ITPR1: variants seen among roughly 807,000 people sequenced by gnomAD.
ITPR1 encodes inositol 1,4,5-trisphosphate receptor type 1, also known as inositol 1,4,5-trisphosphate-gated calcium channel ITPR1.
Under a neutral mutation model 318.4 loss-of-function variants are expected in ITPR1, and 96 were observed. The observed-to-expected ratio is 0.30, with a 90% CI of 0.26 to 0.36. ITPR1 has a LOEUF of 0.36. Among genes scored for constraint, ITPR1 ranks in the 10% least tolerant of loss-of-function variants. ITPR1 has a pLI of 1.00. For synonymous variants in ITPR1, 1,312 were observed against 1,289.9 expected (o/e 1.02, Z -0.37); for missense variants, 2,440 against 3,460.2 (o/e 0.71, Z 7.40).
chr3:4,639,229 C>A, intron 5 of ITPR1, 155 bp from the exon 6 acceptor site: 1 of 602,564 alleles, frequency 1.7e-6, no homozygotes, highest in South Asian at 2.2e-5. Flanking sequence ...TGTTTGAACC[C>A]CTTGGCTCAT....
At chr3:4,588,757 A>C (rs996809989) in intron 4 of ITPR1, among the ~76,000 whole-genome samples, 3 of 152,092 alleles carry the variant, frequency 2.0e-5, no homozygotes, top group African/African-American at 7.2e-5. Context: ...ATTTGTCTCC[A>C]ACTGGCAGTG....
At chr3:4,539,232 C>A (rs145076623) in intron 4 of ITPR1, among the ~76,000 whole-genome samples, 58 of 152,138 alleles carry the variant, frequency 3.8e-4, no homozygotes, top group African/African-American at 1.4e-3. Context: ...AGGGATGTTT[C>A]TAGTTCTCTT....
intron 4 of ITPR1, among the ~76,000 whole-genome samples, chr3:4,625,188 T>A (rs2092783602): frequency 6.6e-6 from 1 of 151,952 alleles, no homozygotes; most frequent in Non-Finnish European, 1.5e-5. Flanking sequence ...TTACAGAAAC[T>A]GGAAAAATAC....
intron 4 of ITPR1, among the ~76,000 whole-genome samples, chr3:4,597,809 G>A (rs2090966178): frequency 6.6e-6 from 1 of 152,208 alleles, no homozygotes; most frequent in African/African-American, 2.4e-5. Context: ...CTCCTAGCTT[G>A]GCAGACCATT....
intron 4 of ITPR1, among the ~76,000 whole-genome samples, chr3:4,597,257 G>A (rs139619219): frequency 3.6e-4 from 55 of 152,314 alleles, no homozygotes; most frequent in Admixed American, 1.8e-3. Flanking sequence ...AGGCCAGATA[G>A]AATGTTGTCT....
At chr3:4,685,330 A>G (rs2094374445) in intron 30 of ITPR1, 124 bp downstream of exon 30, 1 of 994,042 alleles carries the variant, frequency 1.0e-6, no homozygotes, top group Non-Finnish European at 1.4e-6. Flanking sequence ...TTGTGACTAC[A>G]AAGCAATTTC....
intron 5 of ITPR1, among the ~76,000 whole-genome samples, chr3:4,638,703 A>T (rs753975263): frequency 6.6e-6 from 1 of 152,250 alleles, no homozygotes; most frequent in Non-Finnish European, 1.5e-5. Context: ...CTAACTAGCT[A>T]TGCAAGGGTG....
chr3:4,677,806 G>A (rs976248018), intron 24 of ITPR1, among the ~76,000 whole-genome samples: 3 of 151,926 alleles, frequency 2.0e-5, no homozygotes, highest in African/African-American at 7.3e-5. Flanking sequence ...GTTGCTGTTT[G>A]GGGAGAGAAT....
intron 4 of ITPR1, among the ~76,000 whole-genome samples, chr3:4,551,705 A>G (rs1437743807): frequency 6.6e-6 from 1 of 152,162 alleles, no homozygotes; most frequent in Non-Finnish European, 1.5e-5. Context: ...TACAGATAAT[A>G]CTCCATGTAT....
At chr3:4,690,454 A>G (rs536535982) in intron 31 of ITPR1, among the ~76,000 whole-genome samples, 4 of 152,300 alleles carry the variant, frequency 2.6e-5, no homozygotes, top group South Asian at 4.1e-4. Flanking sequence ...TAAAAGACTG[A>G]CAATACTAAG....
intron 4 of ITPR1, among the ~76,000 whole-genome samples, chr3:4,556,590 T>C (rs901812531): frequency 3.9e-5 from 6 of 152,128 alleles, no homozygotes; most frequent in African/African-American, 1.2e-4. Context: ...GATTGGCTTC[T>C]TTCACTCAGT....
intron 60 of ITPR1, chr3:4,831,082 T>G: frequency 2.2e-6 from 1 of 452,360 alleles, no homozygotes; most frequent in East Asian, 7.1e-5. Flanking sequence ...ACAATCCAAC[T>G]TCCTCCTCCG....
chr3:4,644,378 G>T (rs1156460186), intron 8 of ITPR1, 144 bp downstream of exon 8: 1 of 611,234 alleles, frequency 1.6e-6, no homozygotes, highest in African/African-American at 1.8e-5. Flanking sequence ...ACAGGCCCAG[G>T]GTCAAGGCTG....
chr3:4,813,211 G>T lies in ITPR1; in HGVS notation c.7538G>T (p.Cys2513Phe), dbSNP rs1477118515. The T allele has an allele frequency of 6.2e-7, 1 of 1,612,636 alleles. No homozygotes were observed. Among genetic ancestry groups the T allele is most frequent in the Non-Finnish European group, 8.5e-7 (1 of 1,178,942 alleles). Reference sequence around the variant, plus strand: ...TGTAGGGTGGAGAGTGGGGAGAACTGCTCCTCTCCTGCACCCAGAGAAGGT... The same window carrying T: ...TGTAGGGTGGAGAGTGGGGAGAACTTCTCCTCTCCTGCACCCAGAGAAGGT... ...DVCRVESGEN[C>F]SSPAPREELV... is the part of the protein sequence containing the mutation. Residue 2513 changes from cysteine (C) to phenylalanine (F), a missense_variant, in exon 57 of 62, where the codon TGC becomes TTC. By Grantham distance (205) the Cys-to-Phe change is radical. Around this residue, in one of 23 missense-constraint regions of ITPR1, gnomAD observed 88 missense variants for 90.5 expected, o/e 0.97. Coordinates refer to ENST00000649015, the MANE Select transcript of ITPR1 (RefSeq NM_001378452.1).
chr3:4,718,273 A>T (rs1257167824), intron 40 of ITPR1, among the ~76,000 whole-genome samples: 1 of 152,232 alleles, frequency 6.6e-6, no homozygotes, highest in Non-Finnish European at 1.5e-5. Flanking sequence ...AGCAAACTGG[A>T]CAAAAACTTA....
At chr3:4,800,320 G>C in intron 53 of ITPR1, 105 bp from the exon 54 acceptor site, 2 of 1,224,836 alleles carry the variant, frequency 1.6e-6, no homozygotes, top group South Asian at 1.4e-5. Flanking sequence ...GGACTGGTAA[G>C]CCAAAAAAGT....
chr3:4,567,315 C>T (rs138224587), intron 4 of ITPR1, among the ~76,000 whole-genome samples: 146 of 152,236 alleles, frequency 9.6e-4, no homozygotes, highest in African/African-American at 2.1e-3. Context: ...GGATAAAAGA[C>T]GTGATTGCTA....
Position 4,666,535 on chromosome 3 carries a change from A to C in ITPR1, c.1714-842A>C, listed in dbSNP as rs562613579. Among the ~76,000 whole-genome samples the C allele has an allele frequency of 3.9e-5, 6 of 152,250 alleles. No homozygotes were observed. In the East Asian group the frequency reaches 9.6e-4, roughly 24 times the overall value. On this transcript the variant is annotated intron_variant, in intron 17 of 61. Coordinates refer to ENST00000649015, the MANE Select transcript of ITPR1 (RefSeq NM_001378452.1). The stretch of plus-strand genomic sequence containing the variant: ...GACATCTTTGCTTAGTTGTTTTCGG[A>C]TCCTTTACCAGTTGGCAGATGATAA...
At chr3:4,824,075 T>A (rs2049905454) in intron 60 of ITPR1, among the ~76,000 whole-genome samples, 1 of 152,212 alleles carries the variant, frequency 6.6e-6, no homozygotes, top group Non-Finnish European at 1.5e-5. Context: ...CTACTCTGGC[T>A]ACTTCTGTAG....
Sources: gnomAD v4.1 joint callset for allele counts (sites outside exome capture counted in the v4.1 genomes callset) on GRCh38, gnomAD v4.1.1 for gene constraint, gnomAD v4.1.1 regional missense constraint, MANE v1.5 for transcripts, NCBI Gene and HGNC (gene_info 2026-07-23, HGNC 2026-07-21) for gene names.